NKD2: variants seen among roughly 807,000 people sequenced by gnomAD.
NKD2 encodes the protein protein naked cuticle homolog 2.
Under a neutral mutation model 34.8 loss-of-function variants are expected in NKD2, and 43 were observed. That is an observed-to-expected ratio of 1.24 (90% CI 0.97 to 1.60). The LOEUF (loss-of-function observed/expected upper bound fraction) is 1.60, where lower values mean the gene tolerates loss of function less well. NKD2 is among the 40% of genes most tolerant of loss of function. The probability of loss-of-function intolerance (pLI) is 0.00; values close to 1 mark genes in which losing one functional copy is unlikely to be tolerated. For synonymous variants in NKD2, 278 were observed against 265.1 expected, an observed-to-expected ratio of 1.05 and a Z score of -0.47; for missense variants, 675 against 627.1, an observed-to-expected ratio of 1.08 and a Z score of -0.82.
chr5:1,028,012 G>A lies in NKD2; in HGVS notation c.142-4140G>A, dbSNP rs184715809. The stretch of plus-strand genomic sequence containing the variant: ...GCTGGGCGCTGCCGAGCGCTGGCAC[G>A]TGGGGAACACACTCCTTTTGACTTT... On this transcript the variant is annotated intron_variant, in intron 3 of 9. Coordinates refer to ENST00000296849, the MANE Select transcript of NKD2 (RefSeq NM_033120.4). 6.1e-3 allele frequency among the ~76,000 whole-genome samples: 925 copies of A among 152,360 alleles called. 10 individuals are homozygous for A. Among genetic ancestry groups the A allele is most frequent in the Non-Finnish European group, 7.7e-3 (527 of 68,030 alleles).
chr5:1,031,506 T>C (rs1468240388), intron 3 of NKD2, among the ~76,000 whole-genome samples: 2 of 151,962 alleles, frequency 1.3e-5, no homozygotes, highest in Non-Finnish European at 2.9e-5. Flanking sequence ...TCCAGGGCGG[T>C]GTGTGCTGGG....
chr5:1,016,991 C>T (rs13360499), intron 3 of NKD2, among the ~76,000 whole-genome samples: 4 of 148,318 alleles, frequency 2.7e-5, no homozygotes, highest in African/African-American at 7.9e-5. Context: ...ATAACAGAGC[C>T]GACCCCATCC....
At chr5:1,023,566 C>T (rs1756289472) in intron 3 of NKD2, among the ~76,000 whole-genome samples, 1 of 5,950 alleles carries the variant, frequency 1.7e-4, no homozygotes, top group African/African-American at 1.8e-4. Context: ...CTCTTCCCAC[C>T]CGCTGTGGGC....
At chr5:1,010,117 G>C (rs918057219) in intron 3 of NKD2, among the ~76,000 whole-genome samples, 15 of 152,314 alleles carry the variant, frequency 9.8e-5, no homozygotes, top group Non-Finnish European at 1.6e-4. Flanking sequence ...CTGTGGCAAG[G>C]CTGCAGAGAC....
chr5:1,036,893 C>T (rs1474588988), intron 9 of NKD2: 3 of 448,086 alleles, frequency 6.7e-6, no homozygotes, highest in Non-Finnish European at 1.3e-5. Context: ...GGATGGCGGG[C>T]AGTGTGGATG....
chr5:1,021,857 G>A (rs1057502733), intron 3 of NKD2, among the ~76,000 whole-genome samples: 5 of 152,094 alleles, frequency 3.3e-5, no homozygotes, highest in African/African-American at 1.2e-4. Flanking sequence ...GGCGGATGGG[G>A]TGGTGGTCTT....
Position 1,038,175 on chromosome 5 carries a change from C to T in NKD2, c.1158C>T (p.Arg386=). 7 of 1,587,064 alleles carry T rather than the reference C, an allele frequency of 4.4e-6. No individual in the cohort carries two copies. The highest frequency in any genetic ancestry group is 6.0e-6 in the Non-Finnish European group (7 of 1,168,626). Residue 386 remains arginine (R), a synonymous_variant, in exon 10 of 10, where the codon CGC becomes CGT. Coordinates refer to ENST00000296849, the MANE Select transcript of NKD2 (RefSeq NM_033120.4). This position sits in a 1 kb window ranked among gnomAD's most constrained non-coding sequence, Gnocchi z 4.5. The part of the protein sequence containing the change: ...PPPPYGHKRY[R]QKGREGHSPL... The stretch of plus-strand genomic sequence containing the variant: ...CACCCTACGGCCACAAGCGGTACCG[C>T]CAAAAGGGCAGGGAGGGCCACTCGC...
At chr5:1,014,835 GT>G (rs1256870715) in intron 3 of NKD2, among the ~76,000 whole-genome samples, 25 of 152,252 alleles carry the variant, frequency 1.6e-4, no homozygotes, top group Non-Finnish European at 3.7e-4. Flanking sequence ...AAAGACCATA[GT>G]TGGGAGCCAC....
chr5:1,014,185 C>T (rs1328507233), intron 3 of NKD2, among the ~76,000 whole-genome samples: 3 of 152,242 alleles, frequency 2.0e-5, no homozygotes, highest in Non-Finnish European at 2.9e-5. Context: ...TCCTTCCTTC[C>T]TACTTGTGGC....
Position 1,038,241 on chromosome 5 carries a change from C to T in NKD2, c.1224C>T (p.His408=), listed in dbSNP as rs1018982048. The T allele has an allele frequency of 4.6e-5, 73 of 1,588,324 alleles. No individual in the cohort carries two copies. The highest frequency in any genetic ancestry group is 1.2e-4 in the Admixed American group (7 of 57,408). Residue 408 remains histidine (H), a synonymous_variant, in exon 10 of 10, where the codon CAC becomes CAT. Coordinates refer to ENST00000296849, the MANE Select transcript of NKD2 (RefSeq NM_033120.4). The surrounding 1 kb of genome is among the most constrained non-coding windows in gnomAD (Gnocchi z 4.5). ...ACGCTCAGCCTGCCACAGTGGAGCA[C>T]GAGGTGGTGCGGGACCTGCCGCCCA... ...APHAQPATVE[H]EVVRDLPPTP...
chr5:1,038,791 A>T lies in NKD2; in HGVS notation c.*418A>T, dbSNP rs913010152. ...TGTCCCAGTGCGAGGCCGGGAGCGA[A>T]TGGAAAAGCTGAGGCTTTGCCTGGC... is the stretch of plus-strand genomic sequence containing the variant. On this transcript the variant is annotated 3_prime_UTR_variant, in exon 10 of 10. Transcript: ENST00000296849. The surrounding 1 kb of genome is among the most constrained non-coding windows in gnomAD (Gnocchi z 4.5). 1 of 384,492 alleles carries T rather than the reference A, an allele frequency of 2.6e-6. No homozygotes were observed. Among genetic ancestry groups the T allele is most frequent in the Non-Finnish European group, 4.9e-6 (1 of 204,888 alleles). 23.8% of individuals were successfully genotyped at this position (384,492 alleles called of 1,614,324 possible).
At chr5:1,012,461 C>G (rs1755791690) in intron 3 of NKD2, among the ~76,000 whole-genome samples, 1 of 152,238 alleles carries the variant, frequency 6.6e-6, no homozygotes, top group Non-Finnish European at 1.5e-5. Context: ...CAGTCCCATC[C>G]CCATGCCACG....
At position 1,034,794 on chromosome 5, in the gene NKD2, GGA is replaced by G. The variant is rs776451207; in HGVS notation, c.466_467del (p.Asp156CysfsTer22). On this transcript the variant is annotated frameshift_variant, in exon 7 of 10. Coordinates refer to ENST00000296849, the MANE Select transcript of NKD2 (RefSeq NM_033120.4). LOFTEE classifies it high-confidence loss of function. ...TCATGCACACCATCTATGAGGTCGT[GGA>G]TGCCTCGGTCAACCACTCCTCGGGC... ...SLMHTIYEVV[D>X]ASVNHSSGSS... 3 of 1,612,696 alleles carry G rather than the reference GGA, an allele frequency of 1.9e-6. No individual in the cohort carries two copies. The African/African-American group carries it at 4.0e-5, about 22-fold the overall frequency.
intron 4 of NKD2, 63 bp downstream of exon 4, chr5:1,032,275 A>G: frequency 1.5e-6 from 2 of 1,344,228 alleles, no homozygotes; most frequent in South Asian, 2.4e-5. Flanking sequence ...TACCAAGGCA[A>G]CGCCGAAAAC....
chr5:1,008,843 G>T lies in NKD2; in HGVS notation c.-215G>T. ...CCGTCGCTGCCGCCGCTGTCCCCGC[G>T]CCCTGCGCCCGGTGGCCCCCCACCT... On this transcript the variant is annotated 5_prime_UTR_variant, in exon 1 of 10. Coordinates refer to ENST00000296849, the MANE Select transcript of NKD2 (RefSeq NM_033120.4). The T allele has an allele frequency of 3.1e-6, 1 of 317,794 alleles. No individual in the cohort carries two copies. Among genetic ancestry groups the T allele is most frequent in the Non-Finnish European group, 5.7e-6 (1 of 175,640 alleles). The allele number at this position is 317,794 out of a possible 1,614,324, so 19.7% of individuals were successfully genotyped here. A position where few individuals can be genotyped will look rare whatever the true frequency, so the allele number is the denominator to read the frequency against.
Position 1,009,390 on chromosome 5 carries a change from A to G in NKD2, c.62-91A>G. On this transcript the variant is annotated intron_variant, in intron 2 of 9. Transcript: ENST00000296849. This position sits in a 1 kb window ranked among gnomAD's most constrained non-coding sequence, Gnocchi z 6.9. The stretch of plus-strand genomic sequence containing the variant: ...CCTGCGCGGTCTCCAGGCGATGGGG[A>G]CACAGCGAAGGCGCAGCGCCCGCGG... 3 of 1,101,614 alleles carry G rather than the reference A, an allele frequency of 2.7e-6. No homozygotes were observed. Among genetic ancestry groups the G allele is most frequent in the Non-Finnish European group, 3.8e-6 (3 of 788,988 alleles). 68.2% of individuals were successfully genotyped at this position (1,101,614 alleles called of 1,614,324 possible). A position where few individuals can be genotyped will look rare whatever the true frequency, so the allele number is the denominator to read the frequency against.
At position 1,034,891 on chromosome 5, in the gene NKD2, CCTG is replaced by C. The variant is rs761623271; in HGVS notation, c.566_568del (p.Ala189del). The C allele has an allele frequency of 3.7e-6, 6 of 1,610,018 alleles. No homozygotes were observed. Among genetic ancestry groups the C allele is most frequent in the South Asian group, 1.1e-5 (1 of 90,612 alleles). On this transcript the variant is annotated inframe_deletion, in exon 7 of 10. Coordinates refer to ENST00000296849, the MANE Select transcript of NKD2 (RefSeq NM_033120.4). ...CTCCAGCAAGAGGAAGGAGGGTCCT[CCTG>C]CTGGCCAGGGTGAGTGAGGCCTGGG...
chr5:1,018,503 GAC>G (rs1298425540), intron 3 of NKD2, among the ~76,000 whole-genome samples: 2 of 152,250 alleles, frequency 1.3e-5, no homozygotes, highest in African/African-American at 4.8e-5. Flanking sequence ...CTAGGCCTGA[GAC>G]ATGTTTTAGG....
intron 6 of NKD2, 101 bp downstream of exon 6, chr5:1,034,431 C>A: frequency 2.0e-6 from 2 of 983,344 alleles, no homozygotes; most frequent in Non-Finnish European, 3.2e-6. Flanking sequence ...AGGGGACCTG[C>A]CTGCTGCGAG....
Sources: gnomAD v4.1 joint callset for allele counts (sites outside exome capture counted in the v4.1 genomes callset) on GRCh38, gnomAD v4.1.1 for gene constraint, Gnocchi (gnomAD v3.1) non-coding constraint, MANE v1.5 for transcripts, NCBI Gene and HGNC (gene_info 2026-07-23, HGNC 2026-07-21) for gene names.